ADAMTS9: variants seen among roughly 807,000 people sequenced by gnomAD.
The protein encoded by ADAMTS9 is A disintegrin and metalloproteinase with thrombospondin motifs 9.
In ADAMTS9, 107 loss-of-function variants were observed where a neutral mutation model predicts 257.1. The observed-to-expected ratio is 0.42, with a 90% CI of 0.36 to 0.49. ADAMTS9 has a LOEUF of 0.49. ADAMTS9 is among the 20% of genes least tolerant of loss of function. The probability of loss-of-function intolerance (pLI) is 0.03; values close to 1 mark genes in which losing one functional copy is unlikely to be tolerated. For synonymous variants in ADAMTS9, 982 were observed against 880.9 expected (o/e 1.11, Z -2.03); for missense variants, 2,353 against 2,469.1 (o/e 0.95, Z 1.00).
chr3:64,636,448 G>A (rs1271495686), intron 12 of ADAMTS9, among the ~76,000 whole-genome samples: 1 of 152,102 alleles, frequency 6.6e-6, no homozygotes, highest in Non-Finnish European at 1.5e-5. Flanking sequence ...ATCTGTAAAA[G>A]GGAGATGATA....
chr3:64,564,702 C>T (rs78952517), intron 29 of ADAMTS9, among the ~76,000 whole-genome samples: 25 of 151,670 alleles, frequency 1.6e-4, no homozygotes, highest in Admixed American at 1.1e-3. Flanking sequence ...CCCCTTATTC[C>T]CCCCCAACTT....
intron 21 of ADAMTS9, 49 bp from the exon 22 acceptor site, chr3:64,613,558 G>C (rs182514230): frequency 7.7e-6 from 12 of 1,567,462 alleles, no homozygotes; most frequent in Non-Finnish European, 9.5e-6. Flanking sequence ...TCAATGTGTT[G>C]TGGTTTCTGG....
intron 2 of ADAMTS9, among the ~76,000 whole-genome samples, chr3:64,683,525 T>C (rs1406917346): frequency 6.6e-6 from 1 of 152,128 alleles, no homozygotes; most frequent in Non-Finnish European, 1.5e-5. Flanking sequence ...TCAGATTTTT[T>C]TTTGTCAGTA....
At chr3:64,614,641 TTGGGCTGTGTTAACAC>T (rs1329291402) in intron 21 of ADAMTS9, among the ~76,000 whole-genome samples, 4 of 152,234 alleles carry the variant, frequency 2.6e-5, no homozygotes, top group South Asian at 2.1e-4. Flanking sequence ...AAGAATCTCC[TTGGGCTGTGTTAACAC>T]TGGGCTGTGT....
rs1013076838 is a variant in ADAMTS9, at chr3:64,553,661, C to A, written c.4699-2599G>T. 3.9e-5 allele frequency among the ~76,000 whole-genome samples: 6 copies of A among 152,032 alleles called. No homozygotes were observed. In the East Asian group the frequency reaches 1.2e-3, roughly 29 times the overall value. ...GGGATATGCTGGCATTTCCTGGTAG[C>A]CCCTTGTCACTTGCAAACTAAACTT... On this transcript the variant is annotated intron_variant, in intron 30 of 39. Transcript: ENST00000498707.
rs1700655050 is a variant in ADAMTS9, at chr3:64,641,943, T to A, written c.1761A>T (p.Thr587=). The A allele has an allele frequency of 6.2e-7, 1 of 1,614,072 alleles. No individual in the cohort carries two copies. The highest frequency in any genetic ancestry group is 8.5e-7 in the Non-Finnish European group (1 of 1,180,024). ...CVPKEMDVPV[T]DGSWGSWSPF... is the part of the protein sequence containing the mutation. ...GACTCCAACTTCCCCAGGATCCATC[T>A]GTCACGGGGACATCCATTTCTTTGG... is the stretch of plus-strand genomic sequence containing the variant. Residue 587 remains threonine (T), a synonymous_variant, in exon 12 of 40, where the codon ACA becomes ACT. Transcript: ENST00000498707.
chr3:64,687,689 AC>A lies in ADAMTS9; in HGVS notation c.-33del. 8.8e-6 allele frequency: 11 copies of A among 1,250,712 alleles called. No individual in the cohort carries two copies. The highest frequency in any genetic ancestry group is 9.4e-6 in the Non-Finnish European group (9 of 960,108). The allele number at this position is 1,250,712 out of a possible 1,614,324, so 77.5% of individuals were successfully genotyped here. On this transcript the variant is annotated 5_prime_UTR_variant, in exon 1 of 40. Transcript: ENST00000498707. The surrounding 1 kb of genome is among the most constrained non-coding windows in gnomAD (Gnocchi z 4.4). Reference sequence around the variant, plus strand: ...TCCCACCCCTCCCTCCGCTGCCCCCACCCCCCTCCCTCCTGCCCTCCTTGGC... The same window carrying A: ...TCCCACCCCTCCCTCCGCTGCCCCCACCCCCTCCCTCCTGCCCTCCTTGGC...
chr3:64,586,441 A>G (rs1023037872), intron 28 of ADAMTS9, among the ~76,000 whole-genome samples: 4 of 152,144 alleles, frequency 2.6e-5, no homozygotes, highest in African/African-American at 7.2e-5. Flanking sequence ...AGGGAGAATC[A>G]TTTGAACTAT....
intron 3 of ADAMTS9, among the ~76,000 whole-genome samples, chr3:64,663,425 ATTC>A (rs1701273157): frequency 8.4e-6 from 1 of 119,242 alleles, no homozygotes; most frequent in Non-Finnish European, 1.7e-5. Flanking sequence ...GTTGTATGGA[ATTC>A]TTTTTTTTTT....
intron 3 of ADAMTS9, among the ~76,000 whole-genome samples, chr3:64,673,071 G>A (rs543307641): frequency 5.9e-5 from 9 of 152,136 alleles, no homozygotes; most frequent in African/African-American, 1.9e-4. Context: ...TATGTACCAC[G>A]TAGCCTAGGT....
Position 64,568,431 on chromosome 3 carries a change from T to A in ADAMTS9, c.4461A>T (p.Pro1487=). The change falls in exon 29 of 40, where the codon CCA becomes CCT. Residue 1487 remains proline, a synonymous_variant. Transcript: ENST00000498707. ...ESDYCKHLAK[P]HGHRKCRGGR... ...CTCCTCGGCACTTTCTGTGCCCATG[T>A]GGCTTAGCCAGGTGCTTACAGTAAT... is the stretch of plus-strand genomic sequence containing the variant. The A allele has an allele frequency of 6.2e-7, 1 of 1,613,908 alleles. No homozygotes were observed. The highest frequency in any genetic ancestry group is 8.5e-7 in the Non-Finnish European group (1 of 1,179,966).
At chr3:64,648,509 A>C (rs905270888) in intron 10 of ADAMTS9, among the ~76,000 whole-genome samples, 1 of 152,208 alleles carries the variant, frequency 6.6e-6, no homozygotes, top group Admixed American at 6.5e-5. Context: ...TGTTTTTTAG[A>C]TCTATTCCAT....
intron 11 of ADAMTS9, among the ~76,000 whole-genome samples, chr3:64,646,182 A>T (rs551408387): frequency 2.0e-5 from 3 of 152,340 alleles, no homozygotes; most frequent in Middle Eastern, 6.8e-3. Context: ...GAGATCAAAC[A>T]GATTCAATTT....
chr3:64,578,040 A>G (rs143983067), intron 28 of ADAMTS9, among the ~76,000 whole-genome samples: 23 of 152,296 alleles, frequency 1.5e-4, no homozygotes, highest in Middle Eastern at 3.4e-3. Context: ...TTATGTAATT[A>G]ATTTACTTGT....
intron 29 of ADAMTS9, among the ~76,000 whole-genome samples, chr3:64,565,167 A>G (rs1231372306): frequency 6.6e-6 from 1 of 152,204 alleles, no homozygotes; most frequent in East Asian, 1.9e-4. Flanking sequence ...TGGCTTCCTT[A>G]ATTTCTCAAA....
intron 31 of ADAMTS9, among the ~76,000 whole-genome samples, chr3:64,547,857 GTT>G (rs35890967): frequency 6.8e-6 from 1 of 147,570 alleles, no homozygotes; most frequent in African/African-American, 2.5e-5. Context: ...CCTTAGCTAA[GTT>G]TTTTTTTTTA....
intron 28 of ADAMTS9, among the ~76,000 whole-genome samples, chr3:64,579,742 A>G (rs1055780281): frequency 6.6e-6 from 1 of 152,230 alleles, no homozygotes; most frequent in African/African-American, 2.4e-5. Flanking sequence ...TTAAGTAAAC[A>G]TTCTGCACAA....
At chr3:64,647,339 G>A (rs116717855) in intron 11 of ADAMTS9, among the ~76,000 whole-genome samples, 1,668 of 152,230 alleles carry the variant, frequency 0.011, 11 homozygotes, top group Non-Finnish European at 0.016. Context: ...ACTCCTAGGT[G>A]CATGAGACAC....
intron 37 of ADAMTS9, among the ~76,000 whole-genome samples, chr3:64,536,079 A>T (rs2083046059): frequency 6.6e-6 from 1 of 152,164 alleles, no homozygotes; most frequent in South Asian, 2.1e-4. Context: ...CTTTCTGGAC[A>T]ATGCCCCCAG....
Sources: allele counts gnomAD v4.1 joint callset (sites outside exome capture counted in the v4.1 genomes callset), GRCh38; gene constraint gnomAD v4.1.1; non-coding constraint Gnocchi (gnomAD v3.1); transcripts MANE v1.5; gene names NCBI Gene and HGNC (gene_info 2026-07-23, HGNC 2026-07-21).